The following CTNNA3 variants were observed in gnomAD, a reference collection of about 807,000 sequenced individuals.
CTNNA3 encodes the protein catenin alpha-3.
Under a neutral mutation model 95.7 loss-of-function variants are expected in CTNNA3, and 76 were observed. The observed-to-expected ratio is 0.79, with a 90% confidence interval of 0.66 to 0.96. The LOEUF (loss-of-function observed/expected upper bound fraction) is 0.96, where lower values mean the gene tolerates loss of function less well. Ranked by LOEUF, CTNNA3 falls within the 40% of genes least tolerant of loss-of-function variation. CTNNA3 has a pLI of 0.00. For synonymous variants in CTNNA3, 431 were observed against 374.4 expected (o/e 1.15, Z -1.74); for missense variants, 1,191 against 1,089.8 (o/e 1.09, Z -1.31).
chr10:66,638,221 A>G (rs1845399810), intron 9 of CTNNA3, among the ~76,000 whole-genome samples: 1 of 152,206 alleles, frequency 6.6e-6, no homozygotes, highest in Non-Finnish European at 1.5e-5. Context: ...ATTCTGAATT[A>G]TCTTATTAAG....
intron 10 of CTNNA3, among the ~76,000 whole-genome samples, chr10:66,545,524 GC>G (rs1241984100): frequency 2.0e-5 from 3 of 151,938 alleles, no homozygotes; most frequent in African/African-American, 7.3e-5. Context: ...ATTCCTATAT[GC>G]ATCAGTGTCT....
rs115275000 is a variant in CTNNA3 at position 66,663,101 on chromosome 10, G to C, written c.1282-41317C>G. Among the ~76,000 whole-genome samples, 253 of 152,064 alleles carry C rather than the reference G, an allele frequency of 1.7e-3. 1 individual carries two copies. Among genetic ancestry groups the C allele is most frequent in the African/African-American group, 6.0e-3 (247 of 41,488 alleles). On this transcript the variant is annotated intron_variant, in intron 9 of 17. Coordinates refer to ENST00000433211, the MANE Select transcript of CTNNA3 (RefSeq NM_013266.4). ...CCTTAATTGCTGTATGAGTTTCCTA[G>C]AGCTATTATAATAAAGTACCAGTCT...
In CTNNA3 at chr10:66,964,201, G is replaced by T. The variant is rs538794940; in HGVS notation, c.1048-188677C>A. Among the ~76,000 whole-genome samples, 8 of 151,902 alleles carry T rather than the reference G, an allele frequency of 5.3e-5. 1 individual carries two copies. The highest frequency in any genetic ancestry group is 1.9e-4 in the African/African-American group (8 of 41,412). On this transcript the variant is annotated intron_variant, in intron 7 of 17. Transcript: ENST00000433211. ...ATCGTAGGAAAAACTTTGTCACACT[G>T]CTTTGGGATTCAGCACAACATTCTT...
intron 1 of CTNNA3, among the ~76,000 whole-genome samples, chr10:67,731,531 G>A (rs1456799199): frequency 6.6e-6 from 1 of 151,844 alleles, no homozygotes; most frequent in Admixed American, 6.6e-5. Context: ...GGCCGGGCGC[G>A]GTGGCTTACA....
chr10:67,319,301 T>G (rs76273050), intron 5 of CTNNA3, among the ~76,000 whole-genome samples: 6,806 of 151,988 alleles, frequency 0.045, 159 homozygotes, highest in South Asian at 0.096. Context: ...GCCCAATATC[T>G]CTTCACTGTG....
At chr10:66,515,223 A>G (rs1312320671) in intron 11 of CTNNA3, among the ~76,000 whole-genome samples, 2 of 152,020 alleles carry the variant, frequency 1.3e-5, no homozygotes, top group Admixed American at 1.3e-4. Flanking sequence ...TTCACAAATG[A>G]TTCAGAAGAA....
chr10:66,444,354 C>T (rs1268805945), intron 11 of CTNNA3, among the ~76,000 whole-genome samples: 1 of 151,998 alleles, frequency 6.6e-6, no homozygotes, highest in African/African-American at 2.4e-5. Flanking sequence ...AGAAGAGCAA[C>T]TCCAAGACAC....
intron 9 of CTNNA3, among the ~76,000 whole-genome samples, chr10:66,626,891 C>T (rs1052300649): frequency 6.6e-6 from 1 of 151,746 alleles, no homozygotes; most frequent in Non-Finnish European, 1.5e-5. Flanking sequence ...CCAGGTGATT[C>T]TGATATACCA....
intron 17 of CTNNA3, among the ~76,000 whole-genome samples, chr10:65,929,479 G>T (rs2077217293): frequency 6.6e-6 from 1 of 151,768 alleles, no homozygotes; most frequent in South Asian, 2.1e-4. Flanking sequence ...TTTCAGTATT[G>T]TTTATTAAGA....
intron 6 of CTNNA3, among the ~76,000 whole-genome samples, chr10:67,195,865 C>G (rs1276610272): frequency 6.6e-6 from 1 of 152,098 alleles, no homozygotes; most frequent in African/African-American, 2.4e-5. Context: ...TTCACATACT[C>G]TATATTCTCT....
chr10:67,336,762 A>G (rs1422216186), intron 5 of CTNNA3, among the ~76,000 whole-genome samples: 1 of 152,164 alleles, frequency 6.6e-6, no homozygotes, highest in Non-Finnish European at 1.5e-5. Flanking sequence ...TGAAAATCCT[A>G]GGGCCCTTAA....
intron 5 of CTNNA3, among the ~76,000 whole-genome samples, chr10:67,242,491 G>A (rs1865753044): frequency 6.6e-6 from 1 of 152,216 alleles, no homozygotes; most frequent in Non-Finnish European, 1.5e-5. Flanking sequence ...TAAGCAGGAA[G>A]CGTGAATAGG....
chr10:66,643,410 C>A (rs1845583847), intron 9 of CTNNA3, among the ~76,000 whole-genome samples: 1 of 152,114 alleles, frequency 6.6e-6, no homozygotes, highest in South Asian at 2.1e-4. Context: ...AATCTACTCC[C>A]TGTCAACATT....
intron 13 of CTNNA3, among the ~76,000 whole-genome samples, chr10:66,104,592 C>T (rs1461018004): frequency 6.6e-6 from 1 of 152,172 alleles, no homozygotes; most frequent in Non-Finnish European, 1.5e-5. Context: ...TTCCTAATCT[C>T]TCTCCCATCC....
intron 7 of CTNNA3, among the ~76,000 whole-genome samples, chr10:67,065,855 A>G (rs1345691986): frequency 1.3e-5 from 2 of 152,138 alleles, no homozygotes; most frequent in Non-Finnish European, 2.9e-5. Context: ...TCTTTGACAT[A>G]ATTCAGTAGG....
intron 3 of CTNNA3, among the ~76,000 whole-genome samples, chr10:67,546,917 T>C (rs1252835896): frequency 6.6e-6 from 1 of 152,226 alleles, no homozygotes; most frequent in Non-Finnish European, 1.5e-5. Flanking sequence ...TTTGCTTTTT[T>C]GACATCTGCT....
chr10:66,935,705 T>C (rs1847657483), intron 7 of CTNNA3, among the ~76,000 whole-genome samples: 1 of 152,028 alleles, frequency 6.6e-6, no homozygotes, highest in African/African-American at 2.4e-5. Context: ...AATTGAGTCC[T>C]TATTATGTAC....
At chr10:67,596,068 G>C (rs1842925003) in intron 3 of CTNNA3, among the ~76,000 whole-genome samples, 1 of 152,150 alleles carries the variant, frequency 6.6e-6, no homozygotes, top group African/African-American at 2.4e-5. Context: ...GTTGGATCTT[G>C]CTTCTTTATC....
At chr10:67,318,349 A>T (rs1172718629) in intron 5 of CTNNA3, among the ~76,000 whole-genome samples, 1 of 152,220 alleles carries the variant, frequency 6.6e-6, no homozygotes, top group Non-Finnish European at 1.5e-5. Flanking sequence ...TGTGACCTTA[A>T]GCAAGCTACC....
Sources: gnomAD v4.1 joint callset for allele counts (sites outside exome capture counted in the v4.1 genomes callset) on GRCh38, gnomAD v4.1.1 for gene constraint, MANE v1.5 for transcripts, NCBI Gene and HGNC (gene_info 2026-07-23, HGNC 2026-07-21) for gene names.